THOC5: variants seen among roughly 807,000 people sequenced by gnomAD.
THOC5 encodes Fms-interacting protein.
THOC5 carries 43 observed loss-of-function variants against 92.9 expected under a neutral mutation model. The observed-to-expected ratio is 0.46, with a 90% CI of 0.36 to 0.60. THOC5 has a LOEUF of 0.60. THOC5 is among the 20% of genes least tolerant of loss of function. The pLI is 0.00. For synonymous variants in THOC5, 296 were observed against 320.1 expected, an observed-to-expected ratio of 0.92 and a Z score of 0.80; for missense variants, 659 against 849.4, an observed-to-expected ratio of 0.78 and a Z score of 2.79.
chr22:29,513,021 G>T (rs1337467219), intron 17 of THOC5, among the ~76,000 whole-genome samples: 1 of 152,164 alleles, frequency 6.6e-6, no homozygotes, highest in African/African-American at 2.4e-5. Flanking sequence ...GGAGAGGAGA[G>T]GTTAACACAA....
At chr22:29,530,020 G>C (rs1461995630) in intron 8 of THOC5, among the ~76,000 whole-genome samples, 1 of 152,010 alleles carries the variant, frequency 6.6e-6, no homozygotes, top group East Asian at 1.9e-4. Flanking sequence ...GCATGTGCCT[G>C]TAACCCCATC....
At chr22:29,547,720 C>T (rs1349668647) in intron 2 of THOC5, among the ~76,000 whole-genome samples, 1 of 152,186 alleles carries the variant, frequency 6.6e-6, no homozygotes, top group Non-Finnish European at 1.5e-5. Context: ...TCCAAACTTT[C>T]CCACATTTTC....
In THOC5 at chr22:29,536,744, G is replaced by A. The variant is rs532440750; in HGVS notation, c.600-6C>T. On this transcript the variant is annotated splice_region_variant and splice_polypyrimidine_tract_variant and intron_variant, in intron 6 of 19. Coordinates refer to ENST00000490103, the MANE Select transcript of THOC5 (RefSeq NM_003678.5). Reference sequence around the variant, plus strand: ...CTCGGTACTTCTCTGCCAGCCTGTTGGGGGAGGAAAGAGCATTGTCACCTG... The same window carrying A: ...CTCGGTACTTCTCTGCCAGCCTGTTAGGGGAGGAAAGAGCATTGTCACCTG... The A allele has an allele frequency of 1.9e-6, 3 of 1,554,302 alleles. No individual in the cohort carries two copies. The highest frequency in any genetic ancestry group is 2.2e-5 in the South Asian group (2 of 89,852).
chr22:29,531,092 TG>T, intron 8 of THOC5: 1 of 1,179,838 alleles, frequency 8.5e-7, no homozygotes, highest in Non-Finnish European at 1.1e-6. Flanking sequence ...TCTAGGGGGC[TG>T]GGAGGATTTC....
chr22:29,533,900 G>A (rs1019603810), intron 7 of THOC5, among the ~76,000 whole-genome samples: 1 of 152,130 alleles, frequency 6.6e-6, no homozygotes, highest in African/African-American at 2.4e-5. Context: ...CTGTAAATCG[G>A]TACAACCAGT....
At chr22:29,550,474 GGGCAGCAC>G (rs1396655353) in intron 1 of THOC5, among the ~76,000 whole-genome samples, 9 of 151,924 alleles carry the variant, frequency 5.9e-5, no homozygotes, top group Non-Finnish European at 1.2e-4. Flanking sequence ...CTCCTGAGGT[GGGCAGCAC>G]TGTCCCCTTT....
intron 5 of THOC5, among the ~76,000 whole-genome samples, chr22:29,541,131 G>A (rs1191539509): frequency 6.6e-6 from 1 of 151,708 alleles, no homozygotes; most frequent in Non-Finnish European, 1.5e-5. Flanking sequence ...GTTGCAATGA[G>A]CCAAGATCAC....
intron 12 of THOC5, among the ~76,000 whole-genome samples, chr22:29,523,741 C>CCAGA (rs1192607590): frequency 1.3e-5 from 2 of 152,050 alleles, no homozygotes; most frequent in Admixed American, 6.5e-5. Flanking sequence ...TTATAGTGAT[C>CCAGA]CAGACTCAAA....
chr22:29,515,978 C>CAA (rs1371068375), intron 17 of THOC5, among the ~76,000 whole-genome samples: 1 of 151,746 alleles, frequency 6.6e-6, no homozygotes, highest in Admixed American at 6.6e-5. Flanking sequence ...AAAACAAAAA[C>CAA]AAAAACAAAA....
At chr22:29,530,967 G>A in intron 8 of THOC5, 1 of 874,334 alleles carries the variant, frequency 1.1e-6, no homozygotes, top group South Asian at 4.4e-5. Context: ...CTCCCATCAA[G>A]CACTGGCAAA....
intron 1 of THOC5, chr22:29,550,971 C>A (rs1429531891): frequency 6.6e-6 from 1 of 152,120 alleles, no homozygotes; most frequent in East Asian, 1.9e-4. Context: ...AACAAAAGAA[C>A]TCTATCCCAC....
At position 29,549,109 on chromosome 22, in the gene THOC5, C is replaced by T; in HGVS notation, c.39G>A (p.Val13=). The stretch of plus-strand genomic sequence containing the variant: ...CAGCTGGGGCTCCATCGCTTCGGAT[C>T]ACTTTGGGCTTCCGTTTTTTGCTCG... ...SESSKKRKPK[V]IRSDGAPAEG... Residue 13 remains valine, a synonymous_variant, in exon 2 of 20, where the codon GTG becomes GTA. Coordinates refer to ENST00000490103, the MANE Select transcript of THOC5 (RefSeq NM_003678.5). 1 of 1,614,154 alleles carries T rather than the reference C, an allele frequency of 6.2e-7. No individual in the cohort carries two copies. The highest frequency in any genetic ancestry group is 1.1e-5 in the South Asian group (1 of 91,074).
intron 17 of THOC5, 44 bp from the exon 18 acceptor site, chr22:29,512,180 A>G (rs765408019): frequency 6.4e-7 from 1 of 1,551,542 alleles, no homozygotes; most frequent in Non-Finnish European, 8.9e-7. Context: ...TCTAAGACTC[A>G]GCTTGCCAGC....
At chr22:29,515,349 G>A (rs2063314447) in intron 17 of THOC5, among the ~76,000 whole-genome samples, 1 of 152,120 alleles carries the variant, frequency 6.6e-6, no homozygotes, top group Non-Finnish European at 1.5e-5. Flanking sequence ...GCTGTATATT[G>A]TTTTTTAAAA....
rs1429187236 is a variant in THOC5 at position 29,544,612 on chromosome 22, G to A, written c.97-9C>T. The A allele has an allele frequency of 6.2e-7, 1 of 1,603,966 alleles. No individual in the cohort carries two copies. Among genetic ancestry groups the A allele is most frequent in the South Asian group, 1.1e-5 (1 of 89,808 alleles). ...CTGTAGTATTTACCTTCCTGTAGAG[G>A]TAAGGATAAAGGCTCTGTGTGCATG... On this transcript the variant is annotated splice_polypyrimidine_tract_variant and intron_variant, in intron 2 of 19. Transcript: ENST00000490103.
rs746024551 is a variant in THOC5 at position 29,508,451 on chromosome 22, G to A, written c.*6C>T. On this transcript the variant is annotated 3_prime_UTR_variant, in exon 20 of 20. Coordinates refer to ENST00000490103, the MANE Select transcript of THOC5 (RefSeq NM_003678.5). ...CCTTGGGGGAAACAACGGTCTGCGCGGGAGATCAGCGATGGCTGAAGAATC... is the reference window on the plus strand; with the variant it reads ...CCTTGGGGGAAACAACGGTCTGCGCAGGAGATCAGCGATGGCTGAAGAATC... 19 of 1,614,126 alleles carry A rather than the reference G, an allele frequency of 1.2e-5. No individual in the cohort carries two copies. The highest frequency in any genetic ancestry group is 1.6e-4 in the Middle Eastern group (1 of 6,062).
chr22:29,530,548 A>G (rs767108179), intron 8 of THOC5, among the ~76,000 whole-genome samples: 2 of 152,160 alleles, frequency 1.3e-5, no homozygotes, highest in Non-Finnish European at 2.9e-5. Context: ...TAATACTCAC[A>G]ACAACCCTAC....
chr22:29,547,607 C>T (rs954503449), intron 2 of THOC5, among the ~76,000 whole-genome samples: 9 of 152,152 alleles, frequency 5.9e-5, no homozygotes, highest in Admixed American at 4.6e-4. Context: ...TCGTGATCCA[C>T]CTGCCTCAGA....
chr22:29,510,992 C>T (rs543523760), intron 19 of THOC5, 114 bp downstream of exon 19: 12 of 1,139,756 alleles, frequency 1.1e-5, no homozygotes, highest in Non-Finnish European at 1.5e-5. Flanking sequence ...TGATAGGCAT[C>T]GGCTGCAGGG....
Sources: gnomAD v4.1 joint callset for allele counts (sites outside exome capture counted in the v4.1 genomes callset) on GRCh38, gnomAD v4.1.1 for gene constraint, MANE v1.5 for transcripts, NCBI Gene and HGNC (gene_info 2026-07-23, HGNC 2026-07-21) for gene names.